CPEB3: variants seen among roughly 807,000 people sequenced by gnomAD.
CPEB3 encodes the protein cytoplasmic polyadenylation element binding protein 3.
CPEB3 carries 20 observed loss-of-function variants against 67.2 expected under a neutral mutation model. The observed-to-expected ratio is 0.30, with a 90% CI of 0.21 to 0.43. CPEB3 has a LOEUF of 0.43. Among genes scored for constraint, CPEB3 ranks in the 20% least tolerant of loss-of-function variants. The pLI is 1.00. For synonymous variants in CPEB3, 376 were observed against 393.1 expected (o/e 0.96, Z 0.51); for missense variants, 746 against 968.6 (o/e 0.77, Z 3.05).
At chr10:92,130,655 C>CT (rs35187694) in intron 6 of CPEB3, among the ~76,000 whole-genome samples, 6,277 of 135,192 alleles carry the variant, frequency 0.046, 340 homozygotes, top group African/African-American at 0.12. Context: ...CCCTATGTGG[C>CT]TTTTTTTTTT....
intron 1 of CPEB3, among the ~76,000 whole-genome samples, chr10:92,270,275 T>C (rs1564922871): frequency 6.6e-6 from 1 of 152,168 alleles, no homozygotes; most frequent in Non-Finnish European, 1.5e-5. Flanking sequence ...ATGAAACCCC[T>C]GGTTTAGGGG....
chr10:92,229,627 G>A (rs969980478), intron 2 of CPEB3, among the ~76,000 whole-genome samples: 1 of 152,190 alleles, frequency 6.6e-6, no homozygotes, highest in Non-Finnish European at 1.5e-5. Flanking sequence ...TCACAGGCCA[G>A]AACTATGGGG....
intron 2 of CPEB3, among the ~76,000 whole-genome samples, chr10:92,215,641 C>CCA (rs1374580699): frequency 5.3e-5 from 8 of 151,346 alleles, no homozygotes; most frequent in Admixed American, 5.3e-4. Context: ...TGGGGTTTCA[C>CCA]TGTGTTGGCC....
At chr10:92,253,481 A>AAAAAAAAG (rs1564910688) in intron 1 of CPEB3, among the ~76,000 whole-genome samples, 3 of 144,824 alleles carry the variant, frequency 2.1e-5, no homozygotes, top group South Asian at 2.1e-4. Flanking sequence ...AAAAAAAAAA[A>AAAAAAAAG]AAAGAAAAGA....
At chr10:92,242,216 T>C (rs1851880931) in intron 1 of CPEB3, among the ~76,000 whole-genome samples, 1 of 152,184 alleles carries the variant, frequency 6.6e-6, no homozygotes, top group Non-Finnish European at 1.5e-5. Context: ...TGCTCTCCCT[T>C]CTATTCCTCA....
At chr10:92,180,281 C>A (rs1380907021) in intron 4 of CPEB3, among the ~76,000 whole-genome samples, 1 of 152,164 alleles carries the variant, frequency 6.6e-6, no homozygotes. Context: ...GACATATATA[C>A]CATGCAAATT....
intron 1 of CPEB3, among the ~76,000 whole-genome samples, chr10:92,268,049 C>T (rs1853139628): frequency 6.6e-6 from 1 of 152,116 alleles, no homozygotes. Context: ...ATCTCTTGAC[C>T]TCGTGATCCA....
chr10:92,238,127 C>T (rs1851629619), intron 2 of CPEB3, among the ~76,000 whole-genome samples: 1 of 152,234 alleles, frequency 6.6e-6, no homozygotes. Flanking sequence ...AGGATTTCTG[C>T]TTCATTTCCT....
chr10:92,100,686 G>T (rs1382958463), intron 7 of CPEB3, among the ~76,000 whole-genome samples: 1 of 151,852 alleles, frequency 6.6e-6, no homozygotes, highest in Non-Finnish European at 1.5e-5. Context: ...TCGCCTCCCG[G>T]GTTCACACCA....
chr10:92,140,082 A>G (rs1271959852), intron 6 of CPEB3, among the ~76,000 whole-genome samples: 2 of 152,104 alleles, frequency 1.3e-5, no homozygotes, highest in South Asian at 4.1e-4. Flanking sequence ...AAAAAAAAAA[A>G]AAAAAATCAA....
intron 2 of CPEB3, among the ~76,000 whole-genome samples, chr10:92,218,735 G>A (rs1258093146): frequency 6.6e-6 from 1 of 152,074 alleles, no homozygotes; most frequent in Non-Finnish European, 1.5e-5. Flanking sequence ...GATTGTCATA[G>A]GGTGCTCTAT....
At chr10:92,280,291 C>T (rs985603283) in intron 1 of CPEB3, among the ~76,000 whole-genome samples, 1 of 135,204 alleles carries the variant, frequency 7.4e-6, no homozygotes, top group African/African-American at 2.8e-5. Flanking sequence ...TGCAGTGAAC[C>T]GAGATTGTGC....
At chr10:92,214,183 T>C (rs1230833415) in intron 2 of CPEB3, among the ~76,000 whole-genome samples, 1 of 152,192 alleles carries the variant, frequency 6.6e-6, no homozygotes, top group African/African-American at 2.4e-5. Context: ...GATTAAGTCA[T>C]GAGGGCTCCA....
intron 1 of CPEB3, among the ~76,000 whole-genome samples, chr10:92,279,983 C>T (rs1164670685): frequency 6.6e-6 from 1 of 151,964 alleles, no homozygotes; most frequent in African/African-American, 2.4e-5. Flanking sequence ...TGCACTCCAA[C>T]CTGAGTGACA....
At chr10:92,267,764 T>C (rs922317328) in intron 1 of CPEB3, among the ~76,000 whole-genome samples, 2 of 152,208 alleles carry the variant, frequency 1.3e-5, no homozygotes, top group Non-Finnish European at 2.9e-5. Context: ...AACAAAATCA[T>C]GGAAGGATTC....
intron 2 of CPEB3, among the ~76,000 whole-genome samples, chr10:92,228,658 GACT>G (rs1228018548): frequency 6.6e-6 from 1 of 151,648 alleles, no homozygotes; most frequent in Non-Finnish European, 1.5e-5. Context: ...TGGAATTAAT[GACT>G]ACCTGAATGG....
At chr10:92,116,051 G>A (rs1845007908) in intron 6 of CPEB3, among the ~76,000 whole-genome samples, 1 of 151,150 alleles carries the variant, frequency 6.6e-6, no homozygotes, top group Non-Finnish European at 1.5e-5. Flanking sequence ...GGTTAATTGA[G>A]GAGGCAAAGG....
intron 2 of CPEB3, among the ~76,000 whole-genome samples, chr10:92,234,129 A>C (rs73318028): frequency 0.066 from 9,614 of 145,760 alleles, 1,054 homozygotes; most frequent in African/African-American, 0.23. Flanking sequence ...AAAAAAGGAG[A>C]AGGATAAAGG....
intron 2 of CPEB3, among the ~76,000 whole-genome samples, chr10:92,227,835 C>A (rs1851059212): frequency 6.6e-6 from 1 of 152,102 alleles, no homozygotes; most frequent in South Asian, 2.1e-4. Flanking sequence ...TCGTGATCCA[C>A]CCGCCTTGGC....
Sources: gnomAD v4.1 joint callset for allele counts (sites outside exome capture counted in the v4.1 genomes callset) on GRCh38, gnomAD v4.1.1 for gene constraint, MANE v1.5 for transcripts, NCBI Gene and HGNC (gene_info 2026-07-23, HGNC 2026-07-21) for gene names.